The following EPM2A variants were observed in gnomAD, a reference collection of about 807,000 sequenced individuals.
The protein encoded by EPM2A is EPM2A glucan phosphatase, laforin.
A neutral mutation model predicts 26.5 loss-of-function variants in EPM2A; 21 were observed. The ratio of observed to expected loss-of-function variants is 0.79; its 90% CI spans 0.56 to 1.14. The LOEUF is 1.14. Among genes scored for constraint, EPM2A ranks in the 50% most tolerant of loss-of-function variants. The pLI is 0.00. For missense variants in EPM2A, 458 were observed against 440.8 expected, an observed-to-expected ratio of 1.04 and a Z score of -0.35; for synonymous variants, 217 against 177.6, an observed-to-expected ratio of 1.22 and a Z score of -1.76.
chr6:145,442,412 C>G (rs556223587), intron 4 of EPM2A, among the ~76,000 whole-genome samples: 1 of 152,132 alleles, frequency 6.6e-6, no homozygotes, highest in East Asian at 1.9e-4. Context: ...GCTGAGGAAG[C>G]CTCACAATCA....
At chr6:145,592,002 C>T (rs892921749) in intron 2 of EPM2A, among the ~76,000 whole-genome samples, 1 of 151,912 alleles carries the variant, frequency 6.6e-6, no homozygotes, top group Admixed American at 6.6e-5. Context: ...TAGAAATGCA[C>T]ATTTTATTGT....
intron 2 of EPM2A, among the ~76,000 whole-genome samples, chr6:145,676,248 A>G (rs956489768): frequency 2.6e-5 from 4 of 152,222 alleles, no homozygotes; most frequent in African/African-American, 9.6e-5. Flanking sequence ...GACACAACAT[A>G]CCAGAATCTC....
chr6:145,692,071 G>C (rs1781313812), intron 1 of EPM2A, among the ~76,000 whole-genome samples: 1 of 151,884 alleles, frequency 6.6e-6, no homozygotes, highest in African/African-American at 2.4e-5. Context: ...AGCAGGAGTA[G>C]TTATATTACT....
chr6:145,722,624 A>T (rs1776000596), intron 1 of EPM2A: 1 of 283,260 alleles, frequency 3.5e-6, no homozygotes, highest in Non-Finnish European at 6.8e-6. Flanking sequence ...ATTAGAAAAG[A>T]TTTACTCTGT....
intron 2 of EPM2A, among the ~76,000 whole-genome samples, chr6:145,528,204 C>T (rs1780305408): frequency 6.6e-6 from 1 of 152,030 alleles, no homozygotes; most frequent in African/African-American, 2.4e-5. Flanking sequence ...GCAGCAACTG[C>T]TAATGAAGAA....
At chr6:145,515,120 C>T (rs1338680060) in intron 2 of EPM2A, among the ~76,000 whole-genome samples, 1 of 152,068 alleles carries the variant, frequency 6.6e-6, no homozygotes, top group Non-Finnish European at 1.5e-5. Context: ...CACTCAGTAG[C>T]CAAAGACAAG....
At chr6:145,546,192 C>T (rs919936133) in intron 2 of EPM2A, among the ~76,000 whole-genome samples, 3 of 152,128 alleles carry the variant, frequency 2.0e-5, no homozygotes, top group Admixed American at 2.0e-4. Context: ...GGGATGCCTA[C>T]ACTGTAACTC....
At position 145,635,226 on chromosome 6, in the gene EPM2A, G is replaced by C. The variant is rs370750611; in HGVS notation, c.718+19C>G. ...TTCTCTGAAATACAGCAAGGAGGCAGAACAGTTCTGATCCTTACCTTCGGT... is the reference window on the plus strand; with the variant it reads ...TTCTCTGAAATACAGCAAGGAGGCACAACAGTTCTGATCCTTACCTTCGGT... On this transcript the variant is annotated intron_variant, in intron 3 of 3. Transcript: ENST00000367519. The C allele has an allele frequency of 6.7e-5, 108 of 1,613,984 alleles. 2 individuals are homozygous for C. In the African/African-American group the frequency reaches 1.3e-3, roughly 19 times the overall value.
chr6:145,444,298 T>A (rs1779104199), intron 4 of EPM2A, among the ~76,000 whole-genome samples: 1 of 152,226 alleles, frequency 6.6e-6, no homozygotes, highest in Non-Finnish European at 1.5e-5. Context: ...TATTGAGGAT[T>A]TTCAATGTAA....
At chr6:145,688,251 C>G (rs890139333) in intron 1 of EPM2A, among the ~76,000 whole-genome samples, 26 of 151,992 alleles carry the variant, frequency 1.7e-4, no homozygotes, top group African/African-American at 5.8e-4. Context: ...AGCAGAGAGT[C>G]CATTTAAGAA....
intron 1 of EPM2A, among the ~76,000 whole-genome samples, chr6:145,688,041 T>A (rs151256055): frequency 6.6e-6 from 1 of 152,280 alleles, no homozygotes; most frequent in East Asian, 1.9e-4. Context: ...CTGTAAACCA[T>A]ATAAGTTTTT....
At chr6:145,688,943 G>A (rs560709494) in intron 1 of EPM2A, among the ~76,000 whole-genome samples, 9 of 152,202 alleles carry the variant, frequency 5.9e-5, no homozygotes, top group Non-Finnish European at 1.2e-4. Context: ...ACAAGGAGCG[G>A]GTGTTACTTT....
intron 1 of EPM2A, among the ~76,000 whole-genome samples, chr6:145,716,420 C>T (rs1163464064): frequency 1.3e-5 from 2 of 152,156 alleles, no homozygotes; most frequent in Non-Finnish European, 2.9e-5. Flanking sequence ...GACAGGGCAT[C>T]ACTGGTGTGG....
At chr6:145,519,790 A>G (rs1423317405) in intron 2 of EPM2A, among the ~76,000 whole-genome samples, 1 of 152,132 alleles carries the variant, frequency 6.6e-6, no homozygotes. Context: ...TTCCAAGTTG[A>G]CATCTAGAAA....
At chr6:145,510,873 ACATTC>A (rs758223547) in intron 2 of EPM2A, among the ~76,000 whole-genome samples, 31 of 152,110 alleles carry the variant, frequency 2.0e-4, no homozygotes, top group Non-Finnish European at 3.5e-4. Context: ...GAAAAAAAGA[ACATTC>A]AAATAAGCAC....
rs538717552 is a variant in EPM2A, at chr6:145,627,668, C to A, written c.744G>T (p.Ala248=). The change falls in exon 4 of 4, where the codon GCG becomes GCT. Residue 248 remains alanine, a synonymous_variant. Transcript: ENST00000367519. ...CCAGCAGCGCATGCAGCAGGCACAC[C>A]GCCTGGGGCAGCATCTGTACTCGGC... The part of the protein sequence containing the change: ...TEGRVQMLPQ[A]VCLLHALLEK... The A allele has an allele frequency of 6.2e-7, 1 of 1,614,144 alleles. No homozygotes were observed. Among genetic ancestry groups the A allele is most frequent in the South Asian group, 1.1e-5 (1 of 91,086 alleles).
chr6:145,725,782 C>T (rs1436243695), intron 1 of EPM2A, among the ~76,000 whole-genome samples: 1 of 151,832 alleles, frequency 6.6e-6, no homozygotes, highest in Non-Finnish European at 1.5e-5. Flanking sequence ...GTTGAATAGA[C>T]AAAAGACAGA....
intron 1 of EPM2A, among the ~76,000 whole-genome samples, chr6:145,724,023 C>T (rs532138419): frequency 6.6e-6 from 1 of 152,042 alleles, no homozygotes; most frequent in African/African-American, 2.4e-5. Context: ...CTCCACCAGA[C>T]AAAGTGAGGA....
At chr6:145,504,192 T>C (rs902909658) in intron 2 of EPM2A, among the ~76,000 whole-genome samples, 1 of 133,464 alleles carries the variant, frequency 7.5e-6, no homozygotes, top group Non-Finnish European at 1.6e-5. Flanking sequence ...GGGCAAGGAC[T>C]TCATGTCCAA....
Sources: gnomAD v4.1 joint callset for allele counts (sites outside exome capture counted in the v4.1 genomes callset) on GRCh38, gnomAD v4.1.1 for gene constraint, MANE v1.5 for transcripts, NCBI Gene and HGNC (gene_info 2026-07-23, HGNC 2026-07-21) for gene names.